The following PHF24 variants were observed in gnomAD, a reference collection of about 807,000 sequenced individuals.
PHF24 encodes Galpha inhibitory interacting protein.
Under a neutral mutation model 42.6 loss-of-function variants are expected in PHF24, and 25 were observed. That is an observed-to-expected ratio of 0.59 (90% CI 0.43 to 0.82). PHF24 has a LOEUF of 0.82. Ranked by LOEUF, PHF24 falls within the 40% of genes least tolerant of loss-of-function variation. The probability of loss-of-function intolerance (pLI) is 0.00; values close to 1 mark genes in which losing one functional copy is unlikely to be tolerated. For missense variants in PHF24, 470 were observed against 538.1 expected, an observed-to-expected ratio of 0.87 and a Z score of 1.25; for synonymous variants, 185 against 204.8, an observed-to-expected ratio of 0.90 and a Z score of 0.83.
At chr9:34,769,967 TAGA>T in the PHF24 span, among the ~76,000 whole-genome samples, 1 of 152,182 alleles carries the variant, frequency 6.6e-6, no homozygotes, top group Non-Finnish European at 1.5e-5. Context: ...ATGAAAATAG[TAGA>T]AGAATACATG....
chr9:34,915,026 CTTTTTTTTTT>C, the PHF24 span, among the ~76,000 whole-genome samples: 7 of 37,458 alleles, frequency 1.9e-4, no homozygotes, highest in Non-Finnish European at 2.7e-4. Context: ...TTTTTCTTTT[CTTTTTTTTTT>C]TTTTTTTTTT....
At chr9:34,812,325 C>T in the PHF24 span, among the ~76,000 whole-genome samples, 88 of 152,168 alleles carry the variant, frequency 5.8e-4, no homozygotes, top group African/African-American at 2.0e-3. Flanking sequence ...AAATTGGAAC[C>T]CTGGTGCATT....
the PHF24 span, among the ~76,000 whole-genome samples, chr9:34,684,276 A>G: frequency 6.6e-6 from 1 of 152,200 alleles, no homozygotes; most frequent in Admixed American, 6.5e-5. Flanking sequence ...GCAGACAGTG[A>G]TGAGGCATCA....
At chr9:34,873,159 G>A in the PHF24 span, among the ~76,000 whole-genome samples, 2 of 151,276 alleles carry the variant, frequency 1.3e-5, no homozygotes, top group Non-Finnish European at 3.0e-5. Flanking sequence ...TAGGTTGCCT[G>A]TTCACTCTGA....
intron 1 of PHF24, among the ~76,000 whole-genome samples, chr9:34,963,258 G>GTTTTTT (rs55701555): frequency 1.7e-5 from 2 of 117,108 alleles, no homozygotes; most frequent in Non-Finnish European, 3.6e-5. Context: ...CTTTTTGATG[G>GTTTTTT]TTTTTTTTTT....
the PHF24 span, among the ~76,000 whole-genome samples, chr9:34,703,243 C>T: frequency 2.0e-4 from 30 of 151,972 alleles, 1 homozygote; most frequent in East Asian, 1.4e-3. Context: ...GGTGTGACCT[C>T]GGCTCACAGC....
the PHF24 span, chr9:34,895,095 A>C: frequency 2.5e-6 from 1 of 398,462 alleles, no homozygotes; most frequent in African/African-American, 2.1e-5. Context: ...CTTAAAGACA[A>C]AAACATTAGA....
the PHF24 span, among the ~76,000 whole-genome samples, chr9:34,760,685 C>T: frequency 6.6e-6 from 1 of 152,212 alleles, no homozygotes; most frequent in Non-Finnish European, 1.5e-5. Context: ...AGTCCTGCGA[C>T]GTCTCGGCCC....
the PHF24 span, among the ~76,000 whole-genome samples, chr9:34,850,848 T>A: frequency 1.3e-5 from 2 of 152,172 alleles, no homozygotes; most frequent in Admixed American, 1.3e-4. Context: ...TCTGTTGGAG[T>A]TTGCTAGAGG....
the PHF24 span, among the ~76,000 whole-genome samples, chr9:34,924,837 A>G: frequency 6.6e-6 from 1 of 152,044 alleles, no homozygotes; most frequent in Non-Finnish European, 1.5e-5. Flanking sequence ...TGTTTTGTAT[A>G]TCTTTTGTTC....
At chr9:34,841,378 T>C in the PHF24 span, among the ~76,000 whole-genome samples, 2 of 152,232 alleles carry the variant, frequency 1.3e-5, no homozygotes, top group African/African-American at 4.8e-5. Flanking sequence ...ACCTTTTTGC[T>C]GTCGTGAATA....
At chr9:34,841,336 T>G in the PHF24 span, among the ~76,000 whole-genome samples, 1,143 of 152,272 alleles carry the variant, frequency 7.5e-3, 21 homozygotes, top group African/African-American at 0.026. Context: ...TAAGAGTGCC[T>G]CTTTTCCATA....
the PHF24 span, among the ~76,000 whole-genome samples, chr9:34,945,549 C>T: frequency 2.6e-5 from 4 of 152,100 alleles, no homozygotes; most frequent in South Asian, 6.2e-4. Context: ...GCCATTGTGA[C>T]GGTATTAGGA....
At chr9:34,764,622 A>C in the PHF24 span, among the ~76,000 whole-genome samples, 1 of 151,758 alleles carries the variant, frequency 6.6e-6, no homozygotes, top group African/African-American at 2.4e-5. Flanking sequence ...GCGGTCTATC[A>C]ATTTTGTTAA....
At chr9:34,940,586 T>G in the PHF24 span, among the ~76,000 whole-genome samples, 1 of 152,046 alleles carries the variant, frequency 6.6e-6, no homozygotes, top group Admixed American at 6.5e-5. Flanking sequence ...ACCCCATCTC[T>G]CCGAAAAAAT....
the PHF24 span, among the ~76,000 whole-genome samples, chr9:34,686,067 G>A: frequency 3.9e-5 from 6 of 152,178 alleles, no homozygotes; most frequent in Non-Finnish European, 5.9e-5. Context: ...TACCTGGTAA[G>A]CGTCAGTGGT....
intron 1 of PHF24, among the ~76,000 whole-genome samples, chr9:34,969,699 T>A (rs888703253): frequency 6.6e-6 from 1 of 152,070 alleles, no homozygotes; most frequent in Non-Finnish European, 1.5e-5. Context: ...CTTCATCCAA[T>A]CAATTATCAA....
intron 1 of PHF24, 125 bp from the exon 2 acceptor site, chr9:34,971,170 C>T: frequency 1.1e-6 from 1 of 944,666 alleles, no homozygotes; most frequent in Non-Finnish European, 1.6e-6. Flanking sequence ...GTGCTGTCTC[C>T]ACCCCCACCA....
chr9:34,833,182 A>T, the PHF24 span: 1 of 1,539,810 alleles, frequency 6.5e-7, no homozygotes, highest in South Asian at 1.2e-5. Flanking sequence ...GCATGGGGAC[A>T]TGGGCTGGGT....
Sources: allele counts gnomAD v4.1 joint callset (sites outside exome capture counted in the v4.1 genomes callset), GRCh38; gene constraint gnomAD v4.1.1; transcripts MANE v1.5; gene names NCBI Gene and HGNC (gene_info 2026-07-23, HGNC 2026-07-21).